FAT3: variants seen among roughly 807,000 people sequenced by gnomAD.
FAT3 encodes FAT atypical cadherin 3, also known as protocadherin Fat 3.
A neutral mutation model predicts 310.2 loss-of-function variants in FAT3; 95 were observed. The observed-to-expected ratio is 0.31, with a 90% CI of 0.26 to 0.36. FAT3 has a LOEUF of 0.36. Among genes scored for constraint, FAT3 ranks in the 10% least tolerant of loss-of-function variants. FAT3 has a pLI of 1.00. For synonymous variants in FAT3, 2,314 were observed against 2,192.9 expected, an observed-to-expected ratio of 1.06 and a Z score of -1.54; for missense variants, 5,408 against 5,715.6, an observed-to-expected ratio of 0.95 and a Z score of 1.74.
intron 1 of FAT3, among the ~76,000 whole-genome samples, chr11:92,284,227 T>C (rs540901428): frequency 2.0e-5 from 3 of 152,122 alleles, no homozygotes; most frequent in East Asian, 3.9e-4. Flanking sequence ...GAAAACATTA[T>C]GGCAATGGAT....
In FAT3 at chr11:92,762,094, A is replaced by C. The variant is rs1400997018; in HGVS notation, c.3908A>C (p.Lys1303Thr). The change falls in exon 5 of 28, where the codon AAG becomes ACG. Residue 1303 changes from lysine (K) to threonine (T), a missense_variant. Coordinates refer to ENST00000525166, the MANE Select transcript of FAT3 (RefSeq NM_001367949.2). ...YSIVDGNDDG[K>T]FFIDPKTGMV... is the part of the protein sequence containing the mutation. ...ATTGTGGATGGGAATGATGACGGAAAGTTCTTTATTGACCCTAAAACTGGG... is the reference window on the plus strand; with the variant it reads ...ATTGTGGATGGGAATGATGACGGAACGTTCTTTATTGACCCTAAAACTGGG... 2 of 1,614,010 alleles carry C rather than the reference A, an allele frequency of 1.2e-6. No individual in the cohort carries two copies. The highest frequency in any genetic ancestry group is 2.2e-5 in the South Asian group (2 of 91,082).
intron 1 of FAT3, among the ~76,000 whole-genome samples, chr11:92,292,076 A>G (rs1946708638): frequency 1.3e-5 from 2 of 151,984 alleles, no homozygotes; most frequent in Admixed American, 1.3e-4. Flanking sequence ...CTGTCCTTCA[A>G]CCTCTTTTAT....
chr11:92,248,251 C>T (rs1865004217), intron 1 of FAT3, among the ~76,000 whole-genome samples: 1 of 152,070 alleles, frequency 6.6e-6, no homozygotes. Flanking sequence ...ATTTATATCT[C>T]ATACTCTCAT....
At chr11:92,802,707 A>C (rs1016557309) in intron 10 of FAT3, among the ~76,000 whole-genome samples, 1 of 152,222 alleles carries the variant, frequency 6.6e-6, no homozygotes, top group Non-Finnish European at 1.5e-5. Context: ...ATGTCGTCAC[A>C]TTCAAAGGCA....
At chr11:92,348,717 T>A (rs922932504) in intron 1 of FAT3, among the ~76,000 whole-genome samples, 1 of 152,198 alleles carries the variant, frequency 6.6e-6, no homozygotes, top group Non-Finnish European at 1.5e-5. Context: ...ATTAGGGGAA[T>A]CTCTTCATTT....
chr11:92,858,552 A>G (rs557361939), intron 20 of FAT3, among the ~76,000 whole-genome samples: 1 of 152,346 alleles, frequency 6.6e-6, no homozygotes, highest in East Asian at 1.9e-4. Flanking sequence ...GGCAATTTAA[A>G]AAAAAGAGTA....
At chr11:92,576,927 A>G (rs534212639) in intron 3 of FAT3, among the ~76,000 whole-genome samples, 328 of 152,144 alleles carry the variant, frequency 2.2e-3, no homozygotes, top group South Asian at 0.011. Context: ...GCCAAGGAGT[A>G]AGACGTTATA....
chr11:92,821,894 CT>C (rs1443589186), intron 13 of FAT3, among the ~76,000 whole-genome samples: 1 of 152,152 alleles, frequency 6.6e-6, no homozygotes, highest in Non-Finnish European at 1.5e-5. Context: ...CCATGACACT[CT>C]ACGATTTCTG....
At position 92,800,972 on chromosome 11, in the gene FAT3, C is replaced by T. The variant is rs898468051; in HGVS notation, c.7959C>T (p.Ile2653=). The T allele has an allele frequency of 6.2e-6, 10 of 1,613,088 alleles. No individual in the cohort carries two copies. The highest frequency in any genetic ancestry group is 1.7e-5 in the Admixed American group (1 of 59,892). The part of the protein sequence containing the change: ...ASVSVADLLE[I]DPDNGWMVTK... ...TTTCAGTGGCCGACCTCCTGGAAAT[C>T]GATCCTGACAATGGCTGGATGGTCA... Residue 2653 remains isoleucine (I), a synonymous_variant, in exon 10 of 28, where the codon ATC becomes ATT. Transcript: ENST00000525166.
At chr11:92,467,811 C>T (rs1951806164) in intron 2 of FAT3, among the ~76,000 whole-genome samples, 1 of 152,168 alleles carries the variant, frequency 6.6e-6, no homozygotes, top group African/African-American at 2.4e-5. Context: ...TTTCTCCAAT[C>T]CTAGGACTGC....
chr11:92,837,487 C>T (rs957269403), intron 16 of FAT3, among the ~76,000 whole-genome samples, 176 bp from the exon 17 acceptor site: 4 of 152,200 alleles, frequency 2.6e-5, no homozygotes, highest in African/African-American at 9.6e-5. Flanking sequence ...CCCCCAACAA[C>T]AAAGAATTAT....
rs181273583 is a variant in FAT3 at position 92,808,676 on chromosome 11, C to T, written c.9248-1167C>T. On this transcript the variant is annotated intron_variant, in intron 12 of 27. Coordinates refer to ENST00000525166, the MANE Select transcript of FAT3 (RefSeq NM_001367949.2). ...CACGGTGGCTCACATCTGTAATCCCCGCACTTTGGGAGGCCGAGGTGGGTG... is the reference window on the plus strand; with the variant it reads ...CACGGTGGCTCACATCTGTAATCCCTGCACTTTGGGAGGCCGAGGTGGGTG... Among the ~76,000 whole-genome samples the T allele has an allele frequency of 2.2e-4, 34 of 152,136 alleles. 1 individual carries two copies. The highest frequency in any genetic ancestry group is 1.4e-3 in the East Asian group (7 of 5,152).
At position 92,761,875 on chromosome 11, in the gene FAT3, G is replaced by A. The variant is rs1946159889; in HGVS notation, c.3689G>A (p.Gly1230Asp). ...TTTCAGGTGACTGTGACAGATGGTG[G>A]TCCCTCTCCAAAACAGTCAACCATT... ...HFLEVTVTDG[G>D]PSPKQSTIWV... The change falls in exon 5 of 28, where the codon GGT (glycine) becomes GAT (aspartate). Residue 1230 changes from glycine (G) to aspartate (D), a missense_variant. Physicochemically the swap from Gly to Asp is moderately conservative, Grantham distance 94. Coordinates refer to ENST00000525166, the MANE Select transcript of FAT3 (RefSeq NM_001367949.2). The A allele has an allele frequency of 1.9e-6, 3 of 1,613,456 alleles. No homozygotes were observed. Among genetic ancestry groups the A allele is most frequent in the African/African-American group, 1.3e-5 (1 of 74,858 alleles).
chr11:92,504,654 T>C (rs1259810753), intron 2 of FAT3, among the ~76,000 whole-genome samples: 1 of 152,170 alleles, frequency 6.6e-6, no homozygotes, highest in Non-Finnish European at 1.5e-5. Context: ...CTTGGTGGAA[T>C]TTATTGATTT....
At chr11:92,689,181 T>C (rs553954) in intron 3 of FAT3, among the ~76,000 whole-genome samples, 152,237 of 152,288 alleles carry the variant, frequency 1, 76,093 homozygotes, top group Non-Finnish European at 1. Flanking sequence ...GGATGGGAAA[T>C]CAGGCAGTCT....
intron 3 of FAT3, among the ~76,000 whole-genome samples, chr11:92,666,623 G>A (rs998779270): frequency 6.6e-6 from 1 of 151,760 alleles, no homozygotes; most frequent in Non-Finnish European, 1.5e-5. Context: ...GCCTCCCAAA[G>A]TGCTGAGATT....
intron 3 of FAT3, among the ~76,000 whole-genome samples, chr11:92,626,570 G>T (rs974620697): frequency 6.6e-6 from 1 of 151,902 alleles, no homozygotes; most frequent in Non-Finnish European, 1.5e-5. Flanking sequence ...AGTTGCATGG[G>T]TCTTTTCGGG....
intron 7 of FAT3, among the ~76,000 whole-genome samples, chr11:92,786,440 G>A (rs1591729962): frequency 1.3e-5 from 2 of 152,056 alleles, no homozygotes; most frequent in African/African-American, 4.8e-5. Context: ...AGAATGAGAT[G>A]AGATACAAAT....
At chr11:92,227,444 A>T (rs1863968275) in intron 1 of FAT3, among the ~76,000 whole-genome samples, 1 of 152,212 alleles carries the variant, frequency 6.6e-6, no homozygotes, top group Non-Finnish European at 1.5e-5. Context: ...GCCTGGATCC[A>T]GGCGGCAAAC....
Sources: allele counts gnomAD v4.1 joint callset (sites outside exome capture counted in the v4.1 genomes callset), GRCh38; gene constraint gnomAD v4.1.1; transcripts MANE v1.5; gene names NCBI Gene and HGNC (gene_info 2026-07-23, HGNC 2026-07-21).